TNK2: variants seen among roughly 807,000 people sequenced by gnomAD.
TNK2 encodes the protein tyrosine kinase non receptor 2, also known as activated CDC42 kinase 1.
Under a neutral mutation model 101.8 loss-of-function variants are expected in TNK2, and 83 were observed. The ratio of observed to expected loss-of-function variants is 0.82; its 90% CI spans 0.68 to 0.98. TNK2 has a LOEUF of 0.98. TNK2 is among the 50% of genes least tolerant of loss of function. The pLI, the probability that TNK2 is intolerant of heterozygous loss-of-function variation, is 0.00. For missense variants in TNK2, 1,665 were observed against 1,483.2 expected, an observed-to-expected ratio of 1.12 and a Z score of -2.01; for synonymous variants, 804 against 633.0, an observed-to-expected ratio of 1.27 and a Z score of -4.06.
At position 195,867,803 on chromosome 3, in the gene TNK2, G is replaced by T; in HGVS notation, c.2495C>A (p.Thr832Asn). The change falls in exon 13 of 16, where the codon ACC (threonine) becomes AAC (asparagine). Residue 832 changes from threonine (T) to asparagine (N), a missense_variant. Around this residue, in one of 3 missense-constraint regions of TNK2, gnomAD observed 1,136 missense variants for 894.9 expected, o/e 1.27. Coordinates refer to ENST00000672887, the MANE Select transcript of TNK2 (RefSeq NM_001382273.1). ...GGGGTCTGAGGCAAAGCTCTGGGTG[G>T]TGGGCATGGTCTTCCCAGGTGAGCT... Reference protein sequence around the residue: ...LSSSPGKTMPTTQSFASDPKY... With the variant: ...LSSSPGKTMPNTQSFASDPKY... 1 of 1,561,390 alleles carries T rather than the reference G, an allele frequency of 6.4e-7. No individual in the cohort carries two copies. The highest frequency in any genetic ancestry group is 8.6e-7 in the Non-Finnish European group (1 of 1,157,258).
intron 1 of TNK2, among the ~76,000 whole-genome samples, chr3:195,889,607 T>C (rs1757545153): frequency 6.6e-6 from 1 of 152,214 alleles, no homozygotes; most frequent in African/African-American, 2.4e-5. Context: ...TGCTGAATAG[T>C]TCAGATCTGA....
rs895340680 is a variant in TNK2, at chr3:195,869,612, G to A, written c.1544-71C>T. The A allele has an allele frequency of 4.8e-5, 69 of 1,430,986 alleles. 1 individual carries two copies. The highest frequency in any genetic ancestry group is 3.5e-4 in the Middle Eastern group (2 of 5,700). The allele number at this position is 1,430,986 out of a possible 1,614,324, so 88.6% of individuals were successfully genotyped here. A position where few individuals can be genotyped will look rare whatever the true frequency, so the allele number is the denominator to read the frequency against. The stretch of plus-strand genomic sequence containing the variant: ...CAGAGGACAAAGGAGGGAGACGGCC[G>A]GACGAGAGGGCAGAGTGTAGAGAGA... On this transcript the variant is annotated intron_variant, in intron 11 of 15. Coordinates refer to ENST00000672887, the MANE Select transcript of TNK2 (RefSeq NM_001382273.1).
At chr3:195,866,590 T>C (rs1008055971) in intron 15 of TNK2, among the ~76,000 whole-genome samples, 1 of 152,216 alleles carries the variant, frequency 6.6e-6, no homozygotes, top group Non-Finnish European at 1.5e-5. Context: ...TCCTAAAAAG[T>C]GCCATTCCTG....
At chr3:195,907,879 G>A (rs1315315045) in intron 1 of TNK2, among the ~76,000 whole-genome samples, 1 of 152,188 alleles carries the variant, frequency 6.6e-6, no homozygotes, top group Non-Finnish European at 1.5e-5. Flanking sequence ...AGACGAGAGG[G>A]CTCACCAGTT....
At chr3:195,899,093 CAATAAATAAAT>C (rs1760949111) in intron 1 of TNK2, among the ~76,000 whole-genome samples, 1 of 152,104 alleles carries the variant, frequency 6.6e-6, no homozygotes, top group Non-Finnish European at 1.5e-5. Context: ...GACTCCGTCT[CAATAAATAAAT>C]AATAAAAAAA....
chr3:195,904,302 T>C (rs1432640073), intron 1 of TNK2, among the ~76,000 whole-genome samples: 1 of 147,806 alleles, frequency 6.8e-6, no homozygotes, highest in Admixed American at 6.7e-5. Flanking sequence ...TCCAAGTAAA[T>C]GGATAAACAA....
chr3:195,889,460 C>T (rs192156623), intron 1 of TNK2, among the ~76,000 whole-genome samples: 2 of 152,128 alleles, frequency 1.3e-5, no homozygotes, highest in South Asian at 2.1e-4. Flanking sequence ...AGCCACCCGG[C>T]TCCCCAGGAG....
At chr3:195,869,389 A>AC in intron 12 of TNK2, 108 bp downstream of exon 12, 6 of 529,360 alleles carry the variant, frequency 1.1e-5, no homozygotes, top group East Asian at 5.5e-5. Context: ...GCACACACCC[A>AC]CCCACCTCCC....
Position 195,882,415 on chromosome 3 carries a change from G to A in TNK2, c.610-87C>T, listed in dbSNP as rs1480444682. 6.3e-7 allele frequency: 1 copy of A among 1,578,378 alleles called. No homozygotes were observed. Among genetic ancestry groups the A allele is most frequent in the Admixed American group, 1.8e-5 (1 of 55,182 alleles). On this transcript the variant is annotated intron_variant, in intron 5 of 15. Transcript: ENST00000672887. The surrounding 1 kb of genome is among the most constrained non-coding windows in gnomAD (Gnocchi z 4.2). ...ACGCTGGGCCCCCAGTCCCCTTCCT[G>A]AAGGCTTTCCAGAGCCAGGCTGCAC... is the stretch of plus-strand genomic sequence containing the variant.
chr3:195,879,656 C>G (rs1244532690), intron 6 of TNK2, among the ~76,000 whole-genome samples: 1 of 152,074 alleles, frequency 6.6e-6, no homozygotes, highest in Non-Finnish European at 1.5e-5. Flanking sequence ...CCAAATACAC[C>G]CATTCGTTCT....
intron 1 of TNK2, among the ~76,000 whole-genome samples, chr3:195,898,051 C>A (rs779313779): frequency 6.6e-6 from 1 of 151,944 alleles, no homozygotes; most frequent in Non-Finnish European, 1.5e-5. Flanking sequence ...AGGTACCACA[C>A]ATTGCATATC....
intron 6 of TNK2, 135 bp downstream of exon 6, chr3:195,881,916 G>T: frequency 9.5e-7 from 1 of 1,052,518 alleles, no homozygotes. Context: ...GGGTGCAAAG[G>T]AGGGCACCCC....
At position 195,882,069 on chromosome 3, in the gene TNK2, C is replaced by T. The variant is rs776838071; in HGVS notation, c.869G>A (p.Arg290His). 7 of 1,610,396 alleles carry T rather than the reference C, an allele frequency of 4.3e-6. No homozygotes were observed. Among genetic ancestry groups the T allele is most frequent in the Non-Finnish European group, 5.1e-6 (6 of 1,177,454 alleles). Residue 290 changes from arginine to histidine, a missense_variant, in exon 6 of 16, where the codon CGC becomes CAC. Physicochemically the swap from Arg to His is conservative, Grantham distance 29 (BLOSUM62 0). Around this residue, in one of 3 missense-constraint regions of TNK2, gnomAD observed 490 missense variants for 522.5 expected, o/e 0.94. Transcript: ENST00000672887. This position sits in a 1 kb window ranked among gnomAD's most constrained non-coding sequence, Gnocchi z 4.2. Reference sequence around the variant, plus strand: ...CCCTCACCAGGCGAAGGGCACCTTGCGATGTTCCTGCATGACGTAATGGTC... The same window carrying T: ...CCCTCACCAGGCGAAGGGCACCTTGTGATGTTCCTGCATGACGTAATGGTC... ...NDDHYVMQEH[R>H]KVPFAWCAPE...
Position 195,867,911 on chromosome 3 carries a change from C to A in TNK2, c.2387G>T (p.Arg796Leu). 1 of 1,530,528 alleles carries A rather than the reference C, an allele frequency of 6.5e-7. No individual in the cohort carries two copies. Among genetic ancestry groups the A allele is most frequent in the Non-Finnish European group, 8.7e-7 (1 of 1,148,988 alleles). The allele number at this position is 1,530,528 out of a possible 1,614,324, so 94.8% of individuals were successfully genotyped here. The change falls in exon 13 of 16, where the codon CGG becomes CTG. Residue 796 changes from arginine (R) to leucine (L), a missense_variant. By Grantham distance (102) the Arg-to-Leu change is moderately radical (BLOSUM62 -2). Transcript: ENST00000672887. ...CGAGCCTTGAGGGGACAGGGGCTCC[C>A]GCGGAGGCACCCGGGGAGGGGAAGC... ...GPASPPRVPP[R>L]EPLSPQGSRT...
chr3:195,895,280 TA>T, intron 1 of TNK2: 1 of 1,565,608 alleles, frequency 6.4e-7, no homozygotes, highest in Non-Finnish European at 8.6e-7. Context: ...CAGGCGCTGG[TA>T]AGCAGATCTC....
At chr3:195,890,004 C>A (rs1442877919) in intron 1 of TNK2, among the ~76,000 whole-genome samples, 1 of 152,274 alleles carries the variant, frequency 6.6e-6, no homozygotes, top group Non-Finnish European at 1.5e-5. Context: ...CCAGCGTGAG[C>A]CTCCTGCCCC....
rs552338482 is a variant in TNK2 at position 195,869,715 on chromosome 3, G to A, written c.1544-174C>T. ...GGGAGGCCGCAGGCGGCAGGATGAG[G>A]AACACGGCGGTCCAGTATGATAGGC... On this transcript the variant is annotated intron_variant, in intron 11 of 15. Transcript: ENST00000672887. 53 of 680,754 alleles carry A rather than the reference G, an allele frequency of 7.8e-5. 1 individual carries two copies. The South Asian group carries it at 8.9e-4, about 11-fold the overall frequency. The allele number at this position is 680,754 out of a possible 1,614,324, so 42.2% of individuals were successfully genotyped here.
intron 1 of TNK2, among the ~76,000 whole-genome samples, chr3:195,901,690 A>C (rs1761223473): frequency 6.8e-6 from 1 of 146,196 alleles, no homozygotes; most frequent in Non-Finnish European, 1.6e-5. Flanking sequence ...CTCTTCACTG[A>C]GAGTGTACCT....
At position 195,884,854 on chromosome 3, in the gene TNK2, G is replaced by A. The variant is rs766351133; in HGVS notation, c.414C>T (p.Gly138=). 27 of 1,613,144 alleles carry A rather than the reference G, an allele frequency of 1.7e-5. No individual in the cohort carries two copies. Among genetic ancestry groups the A allele is most frequent in the African/African-American group, 1.1e-4 (8 of 74,874 alleles). Residue 138 remains glycine, a synonymous_variant, in exon 4 of 16, where the codon GGC becomes GGT. Transcript: ENST00000672887. The part of the protein sequence containing the change: ...LLEKLGDGSF[G]VVRRGEWDAP... ...CGTCCCACTCGCCCCTGCGCACCAC[G>A]CCAAAGGAACCATCACCCAGCTTCT...
Sources: gnomAD v4.1 joint callset for allele counts (sites outside exome capture counted in the v4.1 genomes callset) on GRCh38, gnomAD v4.1.1 for gene constraint, gnomAD v4.1.1 regional missense constraint, Gnocchi (gnomAD v3.1) non-coding constraint, MANE v1.5 for transcripts, NCBI Gene and HGNC (gene_info 2026-07-23, HGNC 2026-07-21) for gene names.